DYRK4: variants seen among roughly 807,000 people sequenced by gnomAD.
DYRK4 encodes dual specificity tyrosine-phosphorylation-regulated kinase 4.
In DYRK4, 64 loss-of-function variants were observed where a neutral mutation model predicts 68.3. That is an observed-to-expected ratio of 0.94 (90% CI 0.77 to 1.15). The LOEUF is 1.15. Ranked by LOEUF, DYRK4 falls within the 50% of genes most tolerant of loss-of-function variation. The pLI, the probability that DYRK4 is intolerant of heterozygous loss-of-function variation, is 0.00. For missense variants in DYRK4, 740 were observed against 764.7 expected (o/e 0.97, Z 0.38); for synonymous variants, 274 against 289.9 (o/e 0.95, Z 0.56).
chr12:4,578,313 G>C (rs1426603136), intron 2 of DYRK4, among the ~76,000 whole-genome samples: 1 of 116,918 alleles, frequency 8.6e-6, no homozygotes, highest in Non-Finnish European at 1.6e-5. Context: ...TCTCTTTGAA[G>C]AAATTGCTGG....
At chr12:4,612,070 A>G (rs996587891) in intron 13 of DYRK4, among the ~76,000 whole-genome samples, 2 of 152,218 alleles carry the variant, frequency 1.3e-5, no homozygotes, top group Non-Finnish European at 2.9e-5. Flanking sequence ...ATGGTAGTTC[A>G]GTCAATGTAT....
chr12:4,609,648 A>G (rs1002375206), intron 12 of DYRK4, among the ~76,000 whole-genome samples: 15 of 152,196 alleles, frequency 9.9e-5, no homozygotes, highest in Non-Finnish European at 2.2e-4. Flanking sequence ...CAATTACATG[A>G]TCATGACTTT....
rs943409878 is a variant in DYRK4 at position 4,604,203 on chromosome 12, T to G, written c.1127-711T>G. 1.8e-4 allele frequency among the ~76,000 whole-genome samples: 27 copies of G among 152,376 alleles called. No individual in the cohort carries two copies. The East Asian group carries it at 3.9e-3, about 22-fold the overall frequency. On this transcript the variant is annotated intron_variant, in intron 10 of 14. Transcript: ENST00000543431. The stretch of plus-strand genomic sequence containing the variant: ...CATGTTCTAAAATACTCTGTGCATG[T>G]GTACTTTGCAAAGTACCACAAACAC...
At position 4,613,552 on chromosome 12, in the gene DYRK4, T is replaced by C. The variant is rs1358837524; in HGVS notation, c.1704T>C (p.Asp568=). The C allele has an allele frequency of 1.2e-6, 2 of 1,614,020 alleles. No homozygotes were observed. The highest frequency in any genetic ancestry group is 1.7e-6 in the Non-Finnish European group (2 of 1,179,864). ...ITKETTEKTK[D]SPTKHVQHSG... ...AAGAGACTACAGAGAAAACAAAAGATAGCCCCACGAAGCATGTTCAGCATT... is the reference window on the plus strand; with the variant it reads ...AAGAGACTACAGAGAAAACAAAAGACAGCCCCACGAAGCATGTTCAGCATT... Residue 568 remains aspartate, a synonymous_variant, in exon 15 of 15, where the codon GAT becomes GAC. Coordinates refer to ENST00000543431, the MANE Select transcript of DYRK4 (RefSeq NM_001394779.1). This position sits in a 1 kb window ranked among gnomAD's most constrained non-coding sequence, Gnocchi z 4.0.
chr12:4,596,028 T>G, intron 6 of DYRK4, 121 bp from the exon 7 acceptor site: 1 of 1,047,616 alleles, frequency 9.5e-7, no homozygotes, highest in Non-Finnish European at 1.4e-6. Context: ...AAGTGCCCAG[T>G]GTAGTTAGAA....
intron 10 of DYRK4, among the ~76,000 whole-genome samples, chr12:4,601,827 A>C (rs966550093): frequency 2.0e-5 from 3 of 151,914 alleles, no homozygotes; most frequent in African/African-American, 7.3e-5. Context: ...CTAAAGATTT[A>C]CATAAGATTT....
intron 6 of DYRK4, 64 bp from the exon 7 acceptor site, chr12:4,596,085 C>T (rs893382087): frequency 4.5e-5 from 70 of 1,564,610 alleles, no homozygotes; most frequent in Middle Eastern, 2.0e-4. Flanking sequence ...AATGCCAGGG[C>T]CATGTACCAG....
At chr12:4,605,421 TAGTATGTG>T (rs1200803642) in intron 11 of DYRK4, among the ~76,000 whole-genome samples, 1 of 152,222 alleles carries the variant, frequency 6.6e-6, no homozygotes, top group Non-Finnish European at 1.5e-5. Flanking sequence ...ATCTATCTGA[TAGTATGTG>T]AACAGGTTCT....
intron 1 of DYRK4, among the ~76,000 whole-genome samples, chr12:4,566,504 G>T (rs1944678296): frequency 6.6e-6 from 1 of 152,208 alleles, no homozygotes; most frequent in African/African-American, 2.4e-5. Flanking sequence ...GGCTTCCTCA[G>T]CTCCTCCAGC....
At chr12:4,611,780 A>G (rs866276162) in intron 13 of DYRK4, among the ~76,000 whole-genome samples, 1 of 152,234 alleles carries the variant, frequency 6.6e-6, no homozygotes, top group Admixed American at 6.5e-5. Flanking sequence ...AGGTGGTCAG[A>G]TGGTGAAAAC....
At chr12:4,604,387 A>T (rs190328484) in intron 10 of DYRK4, among the ~76,000 whole-genome samples, 205 of 152,346 alleles carry the variant, frequency 1.3e-3, no homozygotes, top group Non-Finnish European at 2.6e-3. Flanking sequence ...AGTTATGCGG[A>T]AATAACTACC....
At chr12:4,576,110 G>T (rs1330036804) in intron 2 of DYRK4, among the ~76,000 whole-genome samples, 2 of 152,256 alleles carry the variant, frequency 1.3e-5, no homozygotes, top group African/African-American at 2.4e-5. Context: ...AATGTCATTT[G>T]TCTACTATTA....
chr12:4,600,364 G>A (rs918087844), intron 10 of DYRK4, among the ~76,000 whole-genome samples: 2 of 151,824 alleles, frequency 1.3e-5, no homozygotes, highest in African/African-American at 4.8e-5. Flanking sequence ...TCACTGTCCT[G>A]GGTACCAGGA....
At chr12:4,568,360 G>A (rs1944697407) in intron 2 of DYRK4, among the ~76,000 whole-genome samples, 1 of 151,986 alleles carries the variant, frequency 6.6e-6, no homozygotes, top group African/African-American at 2.4e-5. Flanking sequence ...GTTGAAGAAC[G>A]TTTCCAGAAA....
intron 12 of DYRK4, among the ~76,000 whole-genome samples, chr12:4,609,192 A>G (rs1945189348): frequency 6.6e-6 from 1 of 152,196 alleles, no homozygotes; most frequent in Non-Finnish European, 1.5e-5. Context: ...TGGCAGCAAT[A>G]TCCATGTCTT....
chr12:4,586,719 C>G (rs1487122321), intron 2 of DYRK4, among the ~76,000 whole-genome samples: 6 of 113,126 alleles, frequency 5.3e-5, no homozygotes, highest in Non-Finnish European at 9.9e-5. Flanking sequence ...CACACACACA[C>G]ACACACACAC....
At chr12:4,605,340 A>C (rs932174936) in intron 11 of DYRK4, among the ~76,000 whole-genome samples, 2 of 152,238 alleles carry the variant, frequency 1.3e-5, no homozygotes. Context: ...GACATTTTAA[A>C]ATAAAATTAC....
intron 2 of DYRK4, among the ~76,000 whole-genome samples, chr12:4,585,278 G>A (rs991438970): frequency 1.1e-4 from 16 of 152,286 alleles, no homozygotes; most frequent in African/African-American, 1.9e-4. Flanking sequence ...CTCTCCCAGC[G>A]TAGTTTCCTT....
At chr12:4,605,207 A>G (rs760076997) in intron 11 of DYRK4, 121 bp downstream of exon 11, 1 of 812,572 alleles carries the variant, frequency 1.2e-6, no homozygotes, top group Non-Finnish European at 1.9e-6. Context: ...GTTGTTGTTG[A>G]GTATTCCCTA....
Sources: gnomAD v4.1 joint callset for allele counts (sites outside exome capture counted in the v4.1 genomes callset) on GRCh38, gnomAD v4.1.1 for gene constraint, Gnocchi (gnomAD v3.1) non-coding constraint, MANE v1.5 for transcripts, NCBI Gene and HGNC (gene_info 2026-07-23, HGNC 2026-07-21) for gene names.